Variants in PTPRM observed in about 807,000 individuals in gnomAD.
PTPRM encodes receptor-type tyrosine-protein phosphatase mu.
PTPRM carries 47 observed loss-of-function variants against 186.7 expected under a neutral mutation model. The observed-to-expected ratio is 0.25, with a 90% confidence interval of 0.20 to 0.32. The LOEUF (loss-of-function observed/expected upper bound fraction) is 0.32. Ranked by LOEUF, PTPRM falls within the 10% of genes least tolerant of loss-of-function variation. The pLI, the probability that PTPRM is intolerant of heterozygous loss-of-function variation, is 1.00. For synonymous variants in PTPRM, 668 were observed against 674.9 expected (o/e 0.99, Z 0.16); for missense variants, 1,494 against 1,865.0 (o/e 0.80, Z 3.66).
chr18:8,007,502 T>C (rs58340686), intron 7 of PTPRM, among the ~76,000 whole-genome samples: 11,936 of 152,162 alleles, frequency 0.078, 556 homozygotes, highest in Middle Eastern at 0.28. Context: ...GTAAATAGTT[T>C]ATCTCTTTTT....
chr18:7,844,055 G>A (rs77707289), intron 2 of PTPRM, among the ~76,000 whole-genome samples: 3,752 of 152,218 alleles, frequency 0.025, 89 homozygotes, highest in African/African-American at 0.065. Context: ...CTGCACTGCC[G>A]TTCATGACCC....
chr18:7,772,448 T>TCC (rs1462872489), intron 1 of PTPRM, among the ~76,000 whole-genome samples: 16 of 19,736 alleles, frequency 8.1e-4, no homozygotes, highest in African/African-American at 2.3e-3. Flanking sequence ...CCCTTCCCCT[T>TCC]CCTTCCTTCC....
chr18:7,930,350 G>A (rs1328981044), intron 5 of PTPRM, among the ~76,000 whole-genome samples: 3 of 152,138 alleles, frequency 2.0e-5, no homozygotes, highest in South Asian at 2.1e-4. Flanking sequence ...GATTACAGAC[G>A]TGAGCCACCA....
Position 7,972,910 on chromosome 18 carries a change from C to T in PTPRM, c.1132+17496C>T, listed in dbSNP as rs76898846. On this transcript the variant is annotated intron_variant, in intron 7 of 32. Coordinates refer to ENST00000580170, the MANE Select transcript of PTPRM (RefSeq NM_001105244.2). ...GTGTGTAAATATCAATATATGTCCTCAGTCCCTTCCTTACTAATTCTAACA... is the reference window on the plus strand; with the variant it reads ...GTGTGTAAATATCAATATATGTCCTTAGTCCCTTCCTTACTAATTCTAACA... Among the ~76,000 whole-genome samples, 598 of 152,244 alleles carry T rather than the reference C, an allele frequency of 3.9e-3. 4 individuals carry two copies. Among genetic ancestry groups the T allele is most frequent in the African/African-American group, 0.013 (544 of 41,554 alleles).
At chr18:8,345,195 T>A (rs2148280192) in intron 23 of PTPRM, among the ~76,000 whole-genome samples, 1 of 152,022 alleles carries the variant, frequency 6.6e-6, no homozygotes, top group African/African-American at 2.4e-5. Context: ...CAACTAAGCA[T>A]CTAATTCAAG....
At chr18:7,799,834 T>C (rs149208537) in intron 2 of PTPRM, among the ~76,000 whole-genome samples, 1 of 152,358 alleles carries the variant, frequency 6.6e-6, no homozygotes, top group Admixed American at 6.5e-5. Flanking sequence ...CTGTAATTTT[T>C]ATATGCATAT....
chr18:8,022,385 G>A (rs2085288915), intron 7 of PTPRM, among the ~76,000 whole-genome samples: 1 of 152,204 alleles, frequency 6.6e-6, no homozygotes, highest in Admixed American at 6.5e-5. Flanking sequence ...TGTTTAGGGT[G>A]CTCCAGGCAG....
intron 1 of PTPRM, among the ~76,000 whole-genome samples, chr18:7,591,380 AGAGG>A (rs2037121437): frequency 6.6e-6 from 1 of 152,176 alleles, no homozygotes; most frequent in South Asian, 2.1e-4. Flanking sequence ...GCCAGTGGTC[AGAGG>A]GAGGGAGTGG....
chr18:7,731,888 T>G (rs1169607910), intron 1 of PTPRM, among the ~76,000 whole-genome samples: 1 of 152,226 alleles, frequency 6.6e-6, no homozygotes, highest in Non-Finnish European at 1.5e-5. Context: ...AAAAATTTAT[T>G]CATAGACTTT....
At chr18:8,034,146 G>GT (rs888381452) in intron 7 of PTPRM, among the ~76,000 whole-genome samples, 409 of 146,096 alleles carry the variant, frequency 2.8e-3, no homozygotes, top group Non-Finnish European at 2.8e-3. Flanking sequence ...CCTGTGTAAA[G>GT]TTTTTTTTTT....
At chr18:7,808,761 A>G (rs1440619617) in intron 2 of PTPRM, among the ~76,000 whole-genome samples, 2 of 152,224 alleles carry the variant, frequency 1.3e-5, no homozygotes, top group Non-Finnish European at 2.9e-5. Flanking sequence ...AAATATAAGA[A>G]ATGACAAATG....
At chr18:7,979,590 T>C (rs183807032) in intron 7 of PTPRM, among the ~76,000 whole-genome samples, 90 of 152,318 alleles carry the variant, frequency 5.9e-4, no homozygotes, top group African/African-American at 1.6e-3. Context: ...GCTCATAATA[T>C]GTATTTGCAT....
intron 17 of PTPRM, chr18:8,251,570 A>G (rs886188005): frequency 1.3e-5 from 2 of 152,196 alleles, no homozygotes; most frequent in Non-Finnish European, 1.5e-5. Context: ...AAAATCATAA[A>G]ATCAACTTAC....
At chr18:7,907,686 T>C (rs1268782023) in intron 4 of PTPRM, among the ~76,000 whole-genome samples, 1 of 152,142 alleles carries the variant, frequency 6.6e-6, no homozygotes, top group Non-Finnish European at 1.5e-5. Context: ...TTTCCCACTC[T>C]GTCAAGGGAG....
chr18:8,085,954 C>A, intron 10 of PTPRM, 82 bp downstream of exon 10: 1 of 1,309,582 alleles, frequency 7.6e-7, no homozygotes, highest in Non-Finnish European at 1.1e-6. Flanking sequence ...GTATGCCAAG[C>A]TCGCCCACAC....
At chr18:7,624,604 T>C (rs1483926923) in intron 1 of PTPRM, among the ~76,000 whole-genome samples, 1 of 152,096 alleles carries the variant, frequency 6.6e-6, no homozygotes. Context: ...TTCTCCCAAG[T>C]AGCTGGGACT....
intron 2 of PTPRM, among the ~76,000 whole-genome samples, chr18:7,782,706 G>A (rs2042916415): frequency 6.6e-6 from 1 of 152,054 alleles, no homozygotes; most frequent in African/African-American, 2.4e-5. Flanking sequence ...TTTTGTGTCT[G>A]GCTTATTTCA....
In PTPRM at chr18:7,568,925, T is replaced by C. The variant is rs2036504687; in HGVS notation, c.73+1034T>C. On this transcript the variant is annotated intron_variant, in intron 1 of 32. Coordinates refer to ENST00000580170, the MANE Select transcript of PTPRM (RefSeq NM_001105244.2). This position sits in a 1 kb window ranked among gnomAD's most constrained non-coding sequence, Gnocchi z 5.1. Reference sequence around the variant, plus strand: ...TGCTGGCCCATTTGCACACCTTCTTTCTAGTGTTTATTAGATTAGTTTCAT... The same window carrying C: ...TGCTGGCCCATTTGCACACCTTCTTCCTAGTGTTTATTAGATTAGTTTCAT... 6.6e-6 allele frequency among the ~76,000 whole-genome samples: 1 copy of C among 152,264 alleles called. No individual in the cohort carries two copies. Among genetic ancestry groups the C allele is most frequent in the East Asian group, 1.9e-4 (1 of 5,156 alleles).
intron 13 of PTPRM, among the ~76,000 whole-genome samples, chr18:8,138,147 A>G (rs939091862): frequency 2.0e-5 from 3 of 151,840 alleles, no homozygotes; most frequent in Admixed American, 6.5e-5. Flanking sequence ...TGTATCTCTG[A>G]TCTGAACACT....
Sources: allele counts gnomAD v4.1 joint callset (sites outside exome capture counted in the v4.1 genomes callset), GRCh38; gene constraint gnomAD v4.1.1; non-coding constraint Gnocchi (gnomAD v3.1); transcripts MANE v1.5; gene names NCBI Gene and HGNC (gene_info 2026-07-23, HGNC 2026-07-21).